The following EVA1C variants were observed in gnomAD, a reference collection of about 807,000 sequenced individuals.
EVA1C encodes the protein eva-1 homolog C.
Under a neutral mutation model 45.4 loss-of-function variants are expected in EVA1C, and 25 were observed. The observed-to-expected ratio is 0.55, with a 90% CI of 0.40 to 0.77. The LOEUF (loss-of-function observed/expected upper bound fraction) is 0.77. Ranked by LOEUF, EVA1C falls within the 30% of genes least tolerant of loss-of-function variation. EVA1C has a pLI of 0.00. For synonymous variants in EVA1C, 190 were observed against 221.2 expected (o/e 0.86, Z 1.25); for missense variants, 479 against 554.8 (o/e 0.86, Z 1.37).
intron 1 of EVA1C, 89 bp from the exon 2 acceptor site, chr21:32,453,223 C>T: frequency 1.1e-6 from 1 of 921,098 alleles, no homozygotes; most frequent in Non-Finnish European, 1.7e-6. Flanking sequence ...ACAGCCCTTC[C>T]CCAGGGGAAC....
Position 32,479,016 on chromosome 21 carries a change from AG to A in EVA1C, c.634+11170del, listed in dbSNP as rs1437806587. ...ATTATCTAAATAAACACAGGTTGGA[AG>A]GAGTAATTAACTTCAGTTTCACTGT... On this transcript the variant is annotated intron_variant, in intron 4 of 7. Transcript: ENST00000300255. 4.6e-5 allele frequency among the ~76,000 whole-genome samples: 7 copies of A among 152,394 alleles called. No homozygotes were observed. In the South Asian group the frequency reaches 1.4e-3, roughly 32 times the overall value.
intron 1 of EVA1C, among the ~76,000 whole-genome samples, chr21:32,426,691 C>T (rs556735211): frequency 6.6e-5 from 10 of 152,252 alleles, no homozygotes; most frequent in Non-Finnish European, 1.2e-4. Context: ...GAGGAGTCGA[C>T]GGACTCCTCT....
At position 32,453,345 on chromosome 21, in the gene EVA1C, C is replaced by A; in HGVS notation, c.194C>A (p.Thr65Asn). 1.2e-6 allele frequency: 2 copies of A among 1,608,530 alleles called. No individual in the cohort carries two copies. Among genetic ancestry groups the A allele is most frequent in the Non-Finnish European group, 1.7e-6 (2 of 1,176,944 alleles). The part of the protein sequence containing the change: ...YLTKLLQNHT[T>N]YACDGDYLNL... ...ACCAAACTCCTGCAAAACCACACCA[C>A]CTATGCCTGTGATGGGGACTATTTG... is the stretch of plus-strand genomic sequence containing the variant. Residue 65 changes from threonine to asparagine, a missense_variant, in exon 2 of 8, where the codon ACC becomes AAC. By Grantham distance (65) the Thr-to-Asn change is moderately conservative (BLOSUM62 0). Around this residue, in one of 3 missense-constraint regions of EVA1C, gnomAD observed 33 missense variants for 64.9 expected, o/e 0.51. Transcript: ENST00000300255.
At chr21:32,502,000 CTTTCTTTCT>C (rs1249551696) in intron 6 of EVA1C, among the ~76,000 whole-genome samples, 6 of 56,638 alleles carry the variant, frequency 1.1e-4, no homozygotes, top group African/African-American at 4.1e-4. Context: ...TTCTTTCTTT[CTTTCTTTCT>C]TTCTTTCTTT....
intron 4 of EVA1C, among the ~76,000 whole-genome samples, chr21:32,491,518 G>A (rs574756257): frequency 2.6e-5 from 4 of 151,764 alleles, no homozygotes; most frequent in East Asian, 3.9e-4. Flanking sequence ...GTGAAACCCC[G>A]TCTCTACTAA....
chr21:32,507,519 T>G (rs1004935700), intron 7 of EVA1C, among the ~76,000 whole-genome samples: 2 of 149,746 alleles, frequency 1.3e-5, no homozygotes, highest in African/African-American at 5.0e-5. Flanking sequence ...TGTGTGCATG[T>G]GTCTCTGTGT....
chr21:32,444,221 A>G (rs2035287376), intron 1 of EVA1C, among the ~76,000 whole-genome samples: 1 of 152,166 alleles, frequency 6.6e-6, no homozygotes, highest in Non-Finnish European at 1.5e-5. Flanking sequence ...TACCAGCTGG[A>G]TATATACTCC....
chr21:32,413,975 C>G (rs1410679495), intron 1 of EVA1C, among the ~76,000 whole-genome samples: 1 of 152,168 alleles, frequency 6.6e-6, no homozygotes, highest in African/African-American at 2.4e-5. Flanking sequence ...AGTGCAGAGT[C>G]TTTTGCAACA....
At chr21:32,459,240 TCA>T (rs201652878) in intron 3 of EVA1C, among the ~76,000 whole-genome samples, 3,893 of 151,908 alleles carry the variant, frequency 0.026, 165 homozygotes, top group African/African-American at 0.088. Context: ...TCACACACAC[TCA>T]CATGTACAGA....
intron 7 of EVA1C, among the ~76,000 whole-genome samples, chr21:32,507,375 T>C (rs1202466829): frequency 7.9e-5 from 12 of 151,252 alleles, no homozygotes; most frequent in Non-Finnish European, 1.6e-4. Flanking sequence ...CATGTGTGTG[T>C]GCATGTGTGC....
chr21:32,473,603 T>C (rs116593957), intron 4 of EVA1C, among the ~76,000 whole-genome samples: 673 of 152,310 alleles, frequency 4.4e-3, no homozygotes, highest in African/African-American at 0.011. Context: ...CTCTAATCTG[T>C]CCACTTTGCT....
rs138432034 is a variant in EVA1C, at chr21:32,481,944, A to G, written c.635-13083A>G. On this transcript the variant is annotated intron_variant, in intron 4 of 7. Transcript: ENST00000300255. ...CTTCAAGGGAGCAAAGAGAGCATGT[A>G]ATTTAGACTCTAAATTGACGAAGTC... 2.0e-5 allele frequency among the ~76,000 whole-genome samples: 3 copies of G among 152,322 alleles called. No individual in the cohort carries two copies. The East Asian group carries it at 5.8e-4, about 29-fold the overall frequency.
At chr21:32,472,563 G>A (rs1448016902) in intron 4 of EVA1C, among the ~76,000 whole-genome samples, 1 of 152,064 alleles carries the variant, frequency 6.6e-6, no homozygotes. Flanking sequence ...TTGAGGCCTG[G>A]AGTTTGAGGT....
chr21:32,435,266 C>G (rs941692415), intron 1 of EVA1C, among the ~76,000 whole-genome samples: 3 of 152,110 alleles, frequency 2.0e-5, no homozygotes, highest in African/African-American at 7.2e-5. Context: ...GTTGTGCAGG[C>G]TGATCTTGAA....
chr21:32,496,486 T>C (rs111830845), intron 5 of EVA1C, among the ~76,000 whole-genome samples: 2,346 of 152,272 alleles, frequency 0.015, 38 homozygotes, highest in Non-Finnish European at 0.02. Flanking sequence ...CACTCTTACA[T>C]CACAGGAGGG....
intron 1 of EVA1C, among the ~76,000 whole-genome samples, chr21:32,448,504 C>T (rs975514422): frequency 3.9e-5 from 6 of 152,154 alleles, no homozygotes; most frequent in Admixed American, 1.3e-4. Context: ...CCCTCCCTAA[C>T]GCTAGCTCCT....
At chr21:32,506,843 G>A (rs1160337067) in intron 7 of EVA1C, among the ~76,000 whole-genome samples, 5 of 152,140 alleles carry the variant, frequency 3.3e-5, no homozygotes, top group African/African-American at 9.7e-5. Flanking sequence ...ACTCTCAGTC[G>A]CATCCCCGGC....
chr21:32,484,089 C>A (rs897684398), intron 4 of EVA1C, among the ~76,000 whole-genome samples: 2 of 152,004 alleles, frequency 1.3e-5, no homozygotes, highest in Non-Finnish European at 2.9e-5. Flanking sequence ...TTCAACTGGA[C>A]CCCTTCACGG....
chr21:32,445,715 C>T (rs1211393057), intron 1 of EVA1C, among the ~76,000 whole-genome samples: 4 of 152,300 alleles, frequency 2.6e-5, no homozygotes, highest in East Asian at 1.9e-4. Flanking sequence ...GGGTTCATGT[C>T]GTGAACTCTT....
Sources: allele counts gnomAD v4.1 joint callset (sites outside exome capture counted in the v4.1 genomes callset), GRCh38; gene constraint gnomAD v4.1.1; regional missense constraint gnomAD v4.1.1; transcripts MANE v1.5; gene names NCBI Gene and HGNC (gene_info 2026-07-23, HGNC 2026-07-21).